KLF12: variants seen among roughly 807,000 people sequenced by gnomAD.
KLF12 encodes the protein Krueppel-like factor 12.
Under a neutral mutation model 37.8 loss-of-function variants are expected in KLF12, and 9 were observed. That is an observed-to-expected ratio of 0.24 (90% CI 0.14 to 0.42). The LOEUF (loss-of-function observed/expected upper bound fraction) is 0.42. Ranked by LOEUF, KLF12 falls within the 10% of genes least tolerant of loss-of-function variation. The pLI, the probability that KLF12 is intolerant of heterozygous loss-of-function variation, is 1.00. For synonymous variants in KLF12, 208 were observed against 202.1 expected, an observed-to-expected ratio of 1.03 and a Z score of -0.25; for missense variants, 411 against 516.0, an observed-to-expected ratio of 0.80 and a Z score of 1.97.
At chr13:73,852,338 A>G (rs891988815) in intron 3 of KLF12, among the ~76,000 whole-genome samples, 1 of 152,250 alleles carries the variant, frequency 6.6e-6, no homozygotes, top group Non-Finnish European at 1.5e-5. Flanking sequence ...AGTACAGATG[A>G]CAGAGTAAAA....
At chr13:73,861,762 T>A (rs183496871) in intron 3 of KLF12, among the ~76,000 whole-genome samples, 2 of 152,232 alleles carry the variant, frequency 1.3e-5, no homozygotes, top group African/African-American at 4.8e-5. Flanking sequence ...ATCTACAGAG[T>A]CCAAACATAT....
chr13:74,197,525 A>G, the KLF12 span, among the ~76,000 whole-genome samples: 48 of 152,176 alleles, frequency 3.2e-4, 1 homozygote, highest in African/African-American at 1.1e-3. Context: ...ACTCACTCAT[A>G]CTCAGTGAAT....
At chr13:73,984,733 C>T (rs183569985) in intron 2 of KLF12, among the ~76,000 whole-genome samples, 3 of 152,330 alleles carry the variant, frequency 2.0e-5, no homozygotes, top group African/African-American at 4.8e-5. Flanking sequence ...TCTCTTTTCA[C>T]ACCCCAACTG....
At chr13:74,151,507 G>T in the KLF12 span, among the ~76,000 whole-genome samples, 2 of 152,056 alleles carry the variant, frequency 1.3e-5, no homozygotes, top group Non-Finnish European at 2.9e-5. Flanking sequence ...ACAAAAATTA[G>T]CTGGGTGTGG....
chr13:74,193,486 T>C, the KLF12 span, among the ~76,000 whole-genome samples: 2 of 152,224 alleles, frequency 1.3e-5, no homozygotes. Flanking sequence ...CAGGTTTATT[T>C]GACTCTACAG....
intron 1 of KLF12, among the ~76,000 whole-genome samples, chr13:74,029,713 CT>C (rs1241322580): frequency 1.3e-5 from 2 of 151,996 alleles, no homozygotes; most frequent in Non-Finnish European, 2.9e-5. Flanking sequence ...TAGAAAGGAC[CT>C]TGCTTTCTAG....
chr13:74,215,907 T>C, the KLF12 span, among the ~76,000 whole-genome samples: 1 of 152,216 alleles, frequency 6.6e-6, no homozygotes, highest in Non-Finnish European at 1.5e-5. Context: ...GTTTCTGGTG[T>C]CCATGAATCT....
At chr13:73,792,584 A>G (rs1344734603) in intron 5 of KLF12, among the ~76,000 whole-genome samples, 1 of 152,166 alleles carries the variant, frequency 6.6e-6, no homozygotes, top group Non-Finnish European at 1.5e-5. Flanking sequence ...AATTATTACT[A>G]GTTAGAAGGG....
intron 1 of KLF12, among the ~76,000 whole-genome samples, chr13:74,037,451 T>C (rs1157539470): frequency 6.6e-6 from 1 of 152,130 alleles, no homozygotes; most frequent in Non-Finnish European, 1.5e-5. Context: ...ACCTCAATTA[T>C]GCACAAGACA....
At chr13:74,199,199 A>C in the KLF12 span, among the ~76,000 whole-genome samples, 1 of 152,164 alleles carries the variant, frequency 6.6e-6, no homozygotes, top group Admixed American at 6.5e-5. Context: ...CTTCTAACCC[A>C]AAAACTCCAT....
chr13:74,022,225 A>G (rs190264221), intron 1 of KLF12, among the ~76,000 whole-genome samples: 14 of 152,330 alleles, frequency 9.2e-5, no homozygotes, highest in African/African-American at 2.6e-4. Flanking sequence ...ACAAGTCTAC[A>G]AAGTACAAGG....
chr13:73,732,292 G>A (rs1877124690), intron 6 of KLF12, among the ~76,000 whole-genome samples: 2 of 151,576 alleles, frequency 1.3e-5, no homozygotes, highest in South Asian at 4.2e-4. Flanking sequence ...GTTTCACCAC[G>A]TTGGCCATGC....
chr13:74,243,006 G>A, the KLF12 span, among the ~76,000 whole-genome samples: 1 of 152,224 alleles, frequency 6.6e-6, no homozygotes, highest in African/African-American at 2.4e-5. Context: ...TTGTTACATA[G>A]GTATACATGT....
At chr13:74,127,765 G>T (rs1878025035) in intron 1 of KLF12, among the ~76,000 whole-genome samples, 1 of 152,106 alleles carries the variant, frequency 6.6e-6, no homozygotes, top group Non-Finnish European at 1.5e-5. Flanking sequence ...CCTTTATTGT[G>T]CATTTTGTAT....
the KLF12 span, among the ~76,000 whole-genome samples, chr13:74,180,681 A>G: frequency 6.6e-6 from 1 of 152,198 alleles, no homozygotes; most frequent in African/African-American, 2.4e-5. Context: ...TGACTCACTT[A>G]TTTTATTGAG....
intron 1 of KLF12, among the ~76,000 whole-genome samples, chr13:74,089,366 G>A (rs1875512154): frequency 1.3e-5 from 2 of 152,006 alleles, no homozygotes; most frequent in South Asian, 4.2e-4. Context: ...TAATGATGGT[G>A]GTGACTCTTC....
the KLF12 span, among the ~76,000 whole-genome samples, chr13:74,293,345 C>G: frequency 2.0e-5 from 3 of 152,160 alleles, no homozygotes; most frequent in Non-Finnish European, 2.9e-5. Flanking sequence ...CCCTCAAAAC[C>G]TGTTCATATT....
intron 1 of KLF12, among the ~76,000 whole-genome samples, chr13:74,117,908 G>T (rs760012707): frequency 6.6e-6 from 1 of 151,476 alleles, no homozygotes; most frequent in Non-Finnish European, 1.5e-5. Context: ...CTTAACAGGT[G>T]TAACAACTCA....
chr13:74,058,598 C>T (rs1448254439), intron 1 of KLF12, among the ~76,000 whole-genome samples: 6 of 151,826 alleles, frequency 4.0e-5, no homozygotes, highest in Admixed American at 6.6e-5. Context: ...CCTCATGATC[C>T]GCCCACCTCG....
Sources: gnomAD v4.1 joint callset for allele counts (sites outside exome capture counted in the v4.1 genomes callset) on GRCh38, gnomAD v4.1.1 for gene constraint, MANE v1.5 for transcripts, NCBI Gene and HGNC (gene_info 2026-07-23, HGNC 2026-07-21) for gene names.